The following GART variants were observed in gnomAD, a reference collection of about 807,000 sequenced individuals.
The protein encoded by GART is trifunctional purine biosynthetic protein adenosine-3.
In GART, 43 loss-of-function variants were observed where a neutral mutation model predicts 107.2. The observed-to-expected ratio is 0.40, with a 90% CI of 0.31 to 0.52. The LOEUF is 0.52. GART is among the 20% of genes least tolerant of loss of function. The pLI is 0.52. For synonymous variants in GART, 434 were observed against 427.0 expected (o/e 1.02, Z -0.20); for missense variants, 1,107 against 1,206.5 (o/e 0.92, Z 1.22).
intron 10 of GART, among the ~76,000 whole-genome samples, chr21:33,526,944 T>C (rs2085085193): frequency 2.0e-5 from 3 of 152,204 alleles, no homozygotes; most frequent in Admixed American, 2.0e-4. Context: ...CTTCCCTGAG[T>C]GTTTTTACAA....
At chr21:33,534,303 C>A (rs1373026304) in intron 4 of GART, among the ~76,000 whole-genome samples, 3 of 152,132 alleles carry the variant, frequency 2.0e-5, no homozygotes, top group African/African-American at 7.2e-5. Context: ...GCCTCCGCCT[C>A]CTGGGTTCAA....
Position 33,531,562 on chromosome 21 carries a change from T to C in GART, c.529-5A>G. On this transcript the variant is annotated splice_polypyrimidine_tract_variant and splice_region_variant and intron_variant, in intron 5 of 21. Coordinates refer to ENST00000381815, the MANE Select transcript of GART (RefSeq NM_000819.5). Reference sequence around the variant, plus strand: ...AGCTGCCCCAAAGGCTTTCTCCTGATTGTAAGATTTTTTTTTTTTTTTTTT... The same window carrying C: ...AGCTGCCCCAAAGGCTTTCTCCTGACTGTAAGATTTTTTTTTTTTTTTTTT... 7.6e-6 allele frequency: 12 copies of C among 1,578,710 alleles called. No individual in the cohort carries two copies. Among genetic ancestry groups the C allele is most frequent in the Non-Finnish European group, 1.0e-5 (12 of 1,171,596 alleles).
At chr21:33,542,797 A>G (rs2085478273), upstream of GART, 1 of 469,562 alleles carries the variant, frequency 2.1e-6, no homozygotes, top group Non-Finnish European at 3.9e-6. Flanking sequence ...TTATGCGGAC[A>G]CGGTCGCCTC....
intron 11 of GART, 183 bp downstream of exon 11, chr21:33,524,584 GAA>G: frequency 8.4e-7 from 1 of 1,191,894 alleles, no homozygotes; most frequent in Non-Finnish European, 1.0e-6. Flanking sequence ...ACGCTATCAT[GAA>G]GTTTTTTCCA....
intron 2 of GART, among the ~76,000 whole-genome samples, chr21:33,538,963 G>A (rs2085355517): frequency 6.6e-6 from 1 of 152,076 alleles, no homozygotes; most frequent in Non-Finnish European, 1.5e-5. Flanking sequence ...TGTATTTTTA[G>A]TAAAGACGGG....
At chr21:33,522,143 A>G in intron 12 of GART, 45 bp downstream of exon 12, 2 of 1,352,508 alleles carry the variant, frequency 1.5e-6, no homozygotes, top group Non-Finnish European at 2.1e-6. Flanking sequence ...TCCATTCACA[A>G]TGTATATCAA....
chr21:33,511,141 T>C (rs968385575), intron 17 of GART, 111 bp downstream of exon 17: 2 of 1,039,174 alleles, frequency 1.9e-6, no homozygotes, highest in East Asian at 2.4e-5. Context: ...ATAGTTGCCA[T>C]AGCGATGGCT....
In GART at chr21:33,521,015, C is replaced by T. The variant is rs909956508; in HGVS notation, c.1394G>A (p.Gly465Asp). Residue 465 changes from glycine to aspartate, a missense_variant and splice_region_variant, in exon 13 of 22, where the codon GGC becomes GAC. By Grantham distance (94) the Gly-to-Asp change is moderately conservative. Transcript: ENST00000381815. ...AAAACCTCCAAGATCAACTTTACAG[C>T]CTGTTGGAGAGGAAATTAATTACTT... ...QPLAKATSRS[G>D]CKVDLGGFAG... is the part of the protein sequence containing the mutation. 3.1e-6 allele frequency: 5 copies of T among 1,608,132 alleles called. No homozygotes were observed. Among genetic ancestry groups the T allele is most frequent in the South Asian group, 1.1e-5 (1 of 90,224 alleles).
intron 1 of GART, among the ~76,000 whole-genome samples, chr21:33,540,013 A>G (rs2085381388): frequency 6.6e-6 from 1 of 152,238 alleles, no homozygotes; most frequent in Admixed American, 6.5e-5. Context: ...GTATTATAAA[A>G]TATCAATTTT....
rs761990012 is a variant in GART at position 33,520,985 on chromosome 21, C to T, written c.1424G>A (p.Gly475Asp). 6.2e-7 allele frequency: 1 copy of T among 1,613,944 alleles called. No individual in the cohort carries two copies. Among genetic ancestry groups the T allele is most frequent in the Non-Finnish European group, 8.5e-7 (1 of 1,179,960 alleles). ...ACCAGCTGCTTTTAAATCAAAAAGA[C>T]CAGCAAAACCTCCAAGATCAACTTT... ...GCKVDLGGFA[G>D]LFDLKAAGFK... Residue 475 changes from glycine (G) to aspartate (D), a missense_variant, in exon 13 of 22, where the codon GGT becomes GAT. Transcript: ENST00000381815.
In GART at chr21:33,532,572, AAATT is replaced by A. The variant is rs369384995; in HGVS notation, c.417-120_417-117del. ...CAATGACTGAAAAGCAGAAAGAAAA[AAATT>A]AATTATCATTCCAACACATTTTGAT... On this transcript the variant is annotated intron_variant, in intron 4 of 21. Transcript: ENST00000381815. The A allele has an allele frequency of 1.9e-3, 1,482 of 762,468 alleles. 13 individuals carry two copies. The African/African-American group carries it at 0.023, about 12-fold the overall frequency. The allele number at this position is 762,468 out of a possible 1,614,324, so 47.2% of individuals were successfully genotyped here.
chr21:33,526,936 T>G (rs1168550857), intron 10 of GART, among the ~76,000 whole-genome samples: 3 of 152,230 alleles, frequency 2.0e-5, no homozygotes, highest in Non-Finnish European at 4.4e-5. Flanking sequence ...ATATACATCT[T>G]CCCTGAGTGT....
Position 33,534,693 on chromosome 21 carries a change from G to A in GART, c.302C>T (p.Ala101Val), listed in dbSNP as rs746233692. ...VQCFGPTAEA[A>V]QLESSKRFAK... is the part of the protein sequence containing the mutation. ...AAACCTTTTGCTGGACTCTAACTGA[G>A]CCGCTTCTGCTGTTGGGCCAAAGCA... Residue 101 changes from alanine (A) to valine (V), a missense_variant, in exon 4 of 22, where the codon GCT becomes GTT. By Grantham distance (64) the Ala-to-Val change is moderately conservative. Coordinates refer to ENST00000381815, the MANE Select transcript of GART (RefSeq NM_000819.5). The A allele has an allele frequency of 6.8e-6, 11 of 1,612,578 alleles. No homozygotes were observed. Among genetic ancestry groups the A allele is most frequent in the Non-Finnish European group, 6.8e-6 (8 of 1,179,384 alleles).
intron 16 of GART, among the ~76,000 whole-genome samples, chr21:33,513,570 AAAAAATAAAAATAAAT>A (rs1347487684): frequency 2.0e-5 from 3 of 152,064 alleles, no homozygotes; most frequent in Non-Finnish European, 4.4e-5. Flanking sequence ...ACTCTGTCTA[AAAAAATAAAAATAAAT>A]AAAAATAAAA....
At chr21:33,518,088 A>C (rs1468926696) in intron 14 of GART, among the ~76,000 whole-genome samples, 3 of 152,266 alleles carry the variant, frequency 2.0e-5, no homozygotes. Context: ...AGGTATAGGC[A>C]GACTCCAAAT....
At chr21:33,541,962 A>G (rs142635121) in intron 1 of GART, 103 bp downstream of exon 1, 1 of 152,372 alleles carries the variant, frequency 6.6e-6, no homozygotes, top group East Asian at 1.9e-4. Flanking sequence ...CAACAGGAAA[A>G]TTTCTACAAA....
intron 12 of GART, 27 bp from the exon 13 acceptor site, chr21:33,521,042 C>G: frequency 1.9e-6 from 3 of 1,539,304 alleles, no homozygotes; most frequent in Non-Finnish European, 2.7e-6. Flanking sequence ...TAATTACTTG[C>G]TACATTTTAA....
rs749079811 is a variant in GART at position 33,528,218 on chromosome 21, T to C, written c.1015A>G (p.Met339Val). 3.1e-6 allele frequency: 5 copies of C among 1,613,782 alleles called. No individual in the cohort carries two copies. Among genetic ancestry groups the C allele is most frequent in the African/African-American group, 2.7e-5 (2 of 74,800 alleles). ...LENHTALTVV[M>V]ASKGYPGDYT... Reference sequence around the variant, plus strand: ...TCTCCAGGATAACCTTTACTTGCCATGACAACAGTTAGGGCGGTGTGGTTT... The same window carrying C: ...TCTCCAGGATAACCTTTACTTGCCACGACAACAGTTAGGGCGGTGTGGTTT... The change falls in exon 10 of 22, where the codon ATG (methionine) becomes GTG (valine). Residue 339 changes from methionine (M) to valine (V), a missense_variant. Physicochemically the swap from Met to Val is conservative, Grantham distance 21. Transcript: ENST00000381815.
At chr21:33,516,016 G>A (rs1044214993) in intron 16 of GART, among the ~76,000 whole-genome samples, 6 of 152,058 alleles carry the variant, frequency 3.9e-5, no homozygotes, top group Non-Finnish European at 7.4e-5. Context: ...GGGAGGCTGA[G>A]GCGGGCGGAT....
Sources: allele counts gnomAD v4.1 joint callset (sites outside exome capture counted in the v4.1 genomes callset), GRCh38; gene constraint gnomAD v4.1.1; transcripts MANE v1.5; gene names NCBI Gene and HGNC (gene_info 2026-07-23, HGNC 2026-07-21).